The following PLA2R1 variants were observed in gnomAD, a reference collection of about 807,000 sequenced individuals.
PLA2R1 encodes the protein secretory phospholipase A2 receptor.
In PLA2R1, 158 loss-of-function variants were observed where a neutral mutation model predicts 195.9. The ratio of observed to expected loss-of-function variants is 0.81; its 90% confidence interval spans 0.71 to 0.92. The LOEUF is 0.92. PLA2R1 is among the 40% of genes least tolerant of loss of function. The pLI, the probability that PLA2R1 is intolerant of heterozygous loss-of-function variation, is 0.00. For synonymous variants in PLA2R1, 586 were observed against 598.2 expected, an observed-to-expected ratio of 0.98 and a Z score of 0.30; for missense variants, 1,626 against 1,764.6, an observed-to-expected ratio of 0.92 and a Z score of 1.41.
rs548950196 is a variant in PLA2R1 at position 159,940,634 on chromosome 2, T to C, written c.*1144A>G. ...TTAGATATTGATTATGAAGCTGTTT[T>C]CTTTATAAGGAACTAATAAAGGAAA... On this transcript the variant is annotated 3_prime_UTR_variant, in exon 30 of 30. Transcript: ENST00000283243. 1.3e-5 allele frequency: 2 copies of C among 152,356 alleles called. No individual in the cohort carries two copies. Among genetic ancestry groups the C allele is most frequent in the Admixed American group, 1.3e-4 (2 of 15,308 alleles). 9.4% of individuals were successfully genotyped at this position (152,356 alleles called of 1,614,324 possible). A position where few individuals can be genotyped will look rare whatever the true frequency, so the allele number is the denominator to read the frequency against.
intron 11 of PLA2R1, among the ~76,000 whole-genome samples, chr2:159,998,903 T>C (rs368525429): frequency 1.3e-5 from 2 of 152,178 alleles, no homozygotes; most frequent in Non-Finnish European, 2.9e-5. Context: ...TATTTTATAC[T>C]TCTTACAACA....
At chr2:159,928,669 A>G (rs989235334), downstream of PLA2R1, among the ~76,000 whole-genome samples, 2 of 152,234 alleles carry the variant, frequency 1.3e-5, no homozygotes, top group Non-Finnish European at 2.9e-5. Flanking sequence ...TAAAATTCAT[A>G]TGGAACCAAA....
intron 6 of PLA2R1, among the ~76,000 whole-genome samples, chr2:160,023,888 C>T (rs1176382721): frequency 1.3e-5 from 2 of 150,998 alleles, no homozygotes; most frequent in Admixed American, 6.6e-5. Flanking sequence ...TTGCTGCCCC[C>T]ACCCCCACCA....
chr2:160,027,526 A>G (rs531022653), intron 6 of PLA2R1, among the ~76,000 whole-genome samples: 10 of 152,324 alleles, frequency 6.6e-5, no homozygotes, highest in Non-Finnish European at 7.4e-5. Context: ...TTAAAACCCA[A>G]TTCTAAGAGA....
chr2:159,959,279 G>C (rs181833389), intron 20 of PLA2R1, among the ~76,000 whole-genome samples: 116 of 152,226 alleles, frequency 7.6e-4, no homozygotes, highest in Non-Finnish European at 6.5e-4. Context: ...GAACCTCATT[G>C]GTTCAGTTAG....
In PLA2R1 at chr2:160,020,105, C is replaced by T. The variant is rs1181615807; in HGVS notation, c.1452+1G>A. On this transcript the variant is annotated splice_donor_variant, in intron 8 of 29. Transcript: ENST00000283243. LOFTEE classifies it high-confidence loss of function. ...AGCACTGAACAAATGAATCAACTTA[C>T]AGACTGCTCTGCTGAGACACACAGC... 2.5e-6 allele frequency: 4 copies of T among 1,610,084 alleles called. No individual in the cohort carries two copies. Among genetic ancestry groups the T allele is most frequent in the Non-Finnish European group, 3.4e-6 (4 of 1,177,982 alleles).
At chr2:160,023,871 G>C (rs185312904) in intron 6 of PLA2R1, among the ~76,000 whole-genome samples, 15 of 152,246 alleles carry the variant, frequency 9.9e-5, no homozygotes, top group Admixed American at 3.9e-4. Flanking sequence ...ACGGAGCACA[G>C]AAACCCTTGC....
intron 14 of PLA2R1, among the ~76,000 whole-genome samples, chr2:159,978,743 G>T (rs982441574): frequency 6.6e-6 from 1 of 152,068 alleles, no homozygotes; most frequent in Non-Finnish European, 1.5e-5. Context: ...TCAGAAAAAT[G>T]GATTAGTGGG....
chr2:160,010,646 ACTC>A (rs1558919401), intron 10 of PLA2R1, among the ~76,000 whole-genome samples: 3 of 152,114 alleles, frequency 2.0e-5, no homozygotes, highest in African/African-American at 7.2e-5. Flanking sequence ...ACTAGTGGAC[ACTC>A]CTGGATCTGA....
intron 11 of PLA2R1, among the ~76,000 whole-genome samples, chr2:159,999,067 C>T (rs1691417991): frequency 6.6e-6 from 1 of 152,020 alleles, no homozygotes; most frequent in South Asian, 2.1e-4. Context: ...ATAAAAGAGG[C>T]TGAGGGAGTG....
At chr2:160,060,810 T>C (rs1695900746) in intron 1 of PLA2R1, among the ~76,000 whole-genome samples, 1 of 152,228 alleles carries the variant, frequency 6.6e-6, no homozygotes, top group Non-Finnish European at 1.5e-5. Context: ...GCTGCCCTGT[T>C]CTACCACCTA....
At chr2:160,057,232 C>T (rs538489927) in intron 1 of PLA2R1, among the ~76,000 whole-genome samples, 1 of 152,264 alleles carries the variant, frequency 6.6e-6, no homozygotes, top group East Asian at 1.9e-4. Flanking sequence ...CAAGCAGGAA[C>T]CACCATAGAG....
At chr2:159,981,104 C>T (rs1473438660) in intron 13 of PLA2R1, among the ~76,000 whole-genome samples, 1 of 152,074 alleles carries the variant, frequency 6.6e-6, no homozygotes, top group Non-Finnish European at 1.5e-5. Context: ...ATTCAGAGTT[C>T]TATGTCTTTC....
At chr2:159,956,245 G>C (rs1328862296) in intron 21 of PLA2R1, among the ~76,000 whole-genome samples, 1 of 152,022 alleles carries the variant, frequency 6.6e-6, no homozygotes, top group Non-Finnish European at 1.5e-5. Flanking sequence ...TTGAAATATA[G>C]GCCATGAATA....
intron 20 of PLA2R1, among the ~76,000 whole-genome samples, chr2:159,960,176 T>A (rs940116626): frequency 6.6e-6 from 1 of 152,202 alleles, no homozygotes; most frequent in Non-Finnish European, 1.5e-5. Context: ...ACTCCCACCT[T>A]GCTGCAGGAC....
chr2:159,975,572 C>G (rs146972721), intron 17 of PLA2R1, among the ~76,000 whole-genome samples: 290 of 152,212 alleles, frequency 1.9e-3, no homozygotes, highest in African/African-American at 6.6e-3. Context: ...AGGCACCCCC[C>G]CAGGTATTCC....
intron 1 of PLA2R1, among the ~76,000 whole-genome samples, chr2:160,049,096 C>T (rs1291324358): frequency 1.3e-5 from 2 of 152,102 alleles, no homozygotes; most frequent in Non-Finnish European, 1.5e-5. Context: ...CCGCCTCGGC[C>T]TCCCAAAGTG....
chr2:160,057,909 G>A (rs1472979542), intron 1 of PLA2R1, among the ~76,000 whole-genome samples: 1 of 152,194 alleles, frequency 6.6e-6, no homozygotes, highest in African/African-American at 2.4e-5. Flanking sequence ...GGGGGTGAAT[G>A]CCCCAGGAGT....
chr2:159,983,016 C>T (rs756398236), intron 13 of PLA2R1, among the ~76,000 whole-genome samples: 8 of 152,042 alleles, frequency 5.3e-5, no homozygotes, highest in African/African-American at 1.4e-4. Flanking sequence ...GGCTGACTGA[C>T]AAGAACATTC....
Sources: allele counts gnomAD v4.1 joint callset (sites outside exome capture counted in the v4.1 genomes callset), GRCh38; gene constraint gnomAD v4.1.1; transcripts MANE v1.5; gene names NCBI Gene and HGNC (gene_info 2026-07-23, HGNC 2026-07-21).